Variants in TSNARE1 observed in about 807,000 individuals in gnomAD.
TSNARE1 encodes t-SNARE domain-containing protein 1.
A neutral mutation model predicts 62.0 loss-of-function variants in TSNARE1; 49 were observed. The observed-to-expected ratio is 0.79, with a 90% CI of 0.63 to 1.00. The LOEUF (loss-of-function observed/expected upper bound fraction) is 1.00. Among genes scored for constraint, TSNARE1 ranks in the 50% least tolerant of loss-of-function variants. TSNARE1 has a pLI of 0.00. For synonymous variants in TSNARE1, 328 were observed against 294.4 expected (o/e 1.11, Z -1.17); for missense variants, 755 against 700.1 (o/e 1.08, Z -0.88).
intron 10 of TSNARE1, among the ~76,000 whole-genome samples, chr8:142,289,343 G>A (rs1475688515): frequency 6.6e-6 from 1 of 152,140 alleles, no homozygotes; most frequent in Non-Finnish European, 1.5e-5. Context: ...CAGTCCTTGG[G>A]GAGCACTCTC....
intron 13 of TSNARE1, among the ~76,000 whole-genome samples, chr8:142,215,609 A>T (rs1815796640): frequency 6.6e-6 from 1 of 152,012 alleles, no homozygotes; most frequent in South Asian, 2.1e-4. Flanking sequence ...GTCCCCCGTG[A>T]CCTACCAGGG....
intron 12 of TSNARE1, among the ~76,000 whole-genome samples, chr8:142,268,057 G>A (rs1205173962): frequency 6.6e-6 from 1 of 152,200 alleles, no homozygotes; most frequent in Non-Finnish European, 1.5e-5. Flanking sequence ...CCAGATCTGA[G>A]GGCAACACTC....
chr8:142,325,210 T>TG (rs1429767395), intron 6 of TSNARE1, among the ~76,000 whole-genome samples: 26 of 151,840 alleles, frequency 1.7e-4, no homozygotes, highest in African/African-American at 6.1e-4. Context: ...CCTGAGGCCG[T>TG]GGGACTGGAG....
At chr8:142,342,297 G>A (rs181557416) in intron 4 of TSNARE1, among the ~76,000 whole-genome samples, 8 of 152,338 alleles carry the variant, frequency 5.3e-5, no homozygotes, top group African/African-American at 1.4e-4. Context: ...CAGCGCCCGT[G>A]ACCAGAGATG....
At chr8:142,307,478 C>T (rs139116743) in intron 9 of TSNARE1, among the ~76,000 whole-genome samples, 96 of 152,328 alleles carry the variant, frequency 6.3e-4, no homozygotes, top group Non-Finnish European at 1.2e-3. Context: ...TATAAAATGA[C>T]TTGGTATTTT....
At chr8:142,302,803 G>C (rs953320367) in intron 9 of TSNARE1, among the ~76,000 whole-genome samples, 1 of 152,118 alleles carries the variant, frequency 6.6e-6, no homozygotes, top group Non-Finnish European at 1.5e-5. Context: ...ATCCAGGCTA[G>C]ACCTGGGGTG....
intron 12 of TSNARE1, among the ~76,000 whole-genome samples, chr8:142,254,032 A>T (rs916082699): frequency 1.3e-5 from 2 of 152,204 alleles, no homozygotes; most frequent in South Asian, 4.1e-4. Context: ...CCACGCAGAG[A>T]TATTCTTGGC....
intron 1 of TSNARE1, among the ~76,000 whole-genome samples, chr8:142,371,234 G>C (rs62511368): frequency 4.6e-5 from 7 of 152,134 alleles, no homozygotes; most frequent in Admixed American, 3.3e-4. Context: ...AAAAACTCCA[G>C]GCCTAGAGGC....
intron 1 of TSNARE1, among the ~76,000 whole-genome samples, chr8:142,363,579 C>T (rs1022974125): frequency 2.0e-5 from 3 of 152,174 alleles, no homozygotes; most frequent in Non-Finnish European, 4.4e-5. Flanking sequence ...AAAAACACAA[C>T]CTGAAGACGG....
intron 10 of TSNARE1, among the ~76,000 whole-genome samples, chr8:142,289,800 G>A (rs1354530654): frequency 6.6e-6 from 1 of 152,214 alleles, no homozygotes. Flanking sequence ...GCCCAGTGCT[G>A]GTCCCAGAAC....
At chr8:142,280,747 CA>C (rs1186316384) in intron 11 of TSNARE1, among the ~76,000 whole-genome samples, 1 of 152,168 alleles carries the variant, frequency 6.6e-6, no homozygotes, top group African/African-American at 2.4e-5. Context: ...GACAGGTGGC[CA>C]GGGGCAGAAA....
chr8:142,363,368 T>C (rs1227625457), intron 1 of TSNARE1, among the ~76,000 whole-genome samples: 3 of 152,082 alleles, frequency 2.0e-5, no homozygotes, highest in Non-Finnish European at 4.4e-5. Flanking sequence ...GACGTGGCCT[T>C]TTCAGTGGGA....
chr8:142,403,573 G>A (rs1442451353), upstream of TSNARE1: 1 of 152,296 alleles, frequency 6.6e-6, no homozygotes, highest in African/African-American at 2.4e-5. Flanking sequence ...GCCAGGGCAG[G>A]GCCGGGCACC....
At chr8:142,275,259 C>T (rs561414508) in intron 11 of TSNARE1, 1 of 985,466 alleles carries the variant, frequency 1.0e-6, no homozygotes, top group African/African-American at 1.7e-5. Flanking sequence ...AAAGCCCCTG[C>T]CTTAACGTCT....
At chr8:142,369,273 C>T (rs1835765969) in intron 1 of TSNARE1, among the ~76,000 whole-genome samples, 1 of 152,204 alleles carries the variant, frequency 6.6e-6, no homozygotes, top group South Asian at 2.1e-4. Context: ...AGGTCATATA[C>T]TGAGGGTAAA....
At chr8:142,385,664 GATTTA>G (rs1204176709) in intron 1 of TSNARE1, among the ~76,000 whole-genome samples, 2 of 152,182 alleles carry the variant, frequency 1.3e-5, no homozygotes, top group African/African-American at 2.4e-5. Context: ...AATACAAGTA[GATTTA>G]ATAGTATAAA....
At chr8:142,222,686 A>T (rs1394504096) in intron 13 of TSNARE1, among the ~76,000 whole-genome samples, 1 of 60,880 alleles carries the variant, frequency 1.6e-5, no homozygotes, top group Non-Finnish European at 4.3e-5. Flanking sequence ...CCACTCATCC[A>T]CTCACTCACT....
intron 6 of TSNARE1, among the ~76,000 whole-genome samples, chr8:142,322,806 C>T (rs1011539248): frequency 4.0e-5 from 6 of 151,536 alleles, no homozygotes; most frequent in African/African-American, 7.3e-5. Context: ...CCGGCCTTAC[C>T]GTGTCTGTGG....
In TSNARE1 at chr8:142,317,263, ATGG is replaced by A. The variant is rs1563899971; in HGVS notation, c.984+1278_984+1280del. ...CTCACACTGTACGCGTGAAGCGGGT[ATGG>A]CCAGCGGCTCACACTGTACGCGTGA... is the stretch of plus-strand genomic sequence containing the variant. On this transcript the variant is annotated intron_variant, in intron 7 of 13. Coordinates refer to ENST00000524325, the MANE Select transcript of TSNARE1 (RefSeq NM_145003.5). Among the ~76,000 whole-genome samples the A allele has an allele frequency of 5.5e-4, 81 of 146,980 alleles. 3 individuals carry two copies. The highest frequency in any genetic ancestry group is 1.9e-3 in the African/African-American group (75 of 39,628).
Sources: gnomAD v4.1 joint callset for allele counts (sites outside exome capture counted in the v4.1 genomes callset) on GRCh38, gnomAD v4.1.1 for gene constraint, MANE v1.5 for transcripts, NCBI Gene and HGNC (gene_info 2026-07-23, HGNC 2026-07-21) for gene names.